Variants in EPHB1 observed in about 807,000 individuals in gnomAD.
EPHB1 encodes EPH receptor B1.
EPHB1 carries 30 observed loss-of-function variants against 94.4 expected under a neutral mutation model. That is an observed-to-expected ratio of 0.32 (90% CI 0.24 to 0.43). The LOEUF (loss-of-function observed/expected upper bound fraction) is 0.43, where lower values mean the gene tolerates loss of function less well. EPHB1 is among the 20% of genes least tolerant of loss of function. The pLI, the probability that EPHB1 is intolerant of heterozygous loss-of-function variation, is 1.00. For synonymous variants in EPHB1, 522 were observed against 489.1 expected (o/e 1.07, Z -0.89); for missense variants, 1,055 against 1,308.3 (o/e 0.81, Z 2.99).
chr3:134,983,570 G>A (rs544135287), intron 3 of EPHB1, among the ~76,000 whole-genome samples: 1 of 152,366 alleles, frequency 6.6e-6, no homozygotes, highest in South Asian at 2.1e-4. Flanking sequence ...GGAAATGGAA[G>A]TGAAGGAGAG....
Position 135,259,758 on chromosome 3 carries a change from T to TTTTTC in EPHB1, c.*643_*647dup, listed in dbSNP as rs1933564799. The TTTTTC allele has an allele frequency of 2.4e-5, 5 of 212,546 alleles. No homozygotes were observed. The South Asian group carries it at 9.3e-4, about 40-fold the overall frequency. The allele number at this position is 212,546 out of a possible 1,614,324, so 13.2% of individuals were successfully genotyped here. On this transcript the variant is annotated 3_prime_UTR_variant, in exon 16 of 16. Transcript: ENST00000398015. ...GATGTACCTTCAATTGAAAACCTCGTTTTTCTTTTGTTTGCATTTTCTGCA... is the reference window on the plus strand; with the variant it reads ...GATGTACCTTCAATTGAAAACCTCGTTTTTCTTTTCTTTTGTTTGCATTTTCTGCA...
intron 1 of EPHB1, among the ~76,000 whole-genome samples, chr3:134,856,322 G>A (rs982488242): frequency 6.6e-6 from 1 of 152,132 alleles, no homozygotes; most frequent in African/African-American, 2.4e-5. Flanking sequence ...AATGAACTAG[G>A]CAACCCAGCC....
intron 3 of EPHB1, among the ~76,000 whole-genome samples, chr3:135,091,865 G>C (rs1938570033): frequency 6.6e-6 from 1 of 152,172 alleles, no homozygotes; most frequent in Non-Finnish European, 1.5e-5. Flanking sequence ...TAGCCAGCCT[G>C]TGCGTCTGGG....
intron 4 of EPHB1, among the ~76,000 whole-genome samples, chr3:135,117,660 C>A (rs925898514): frequency 1.3e-5 from 2 of 152,216 alleles, no homozygotes; most frequent in Non-Finnish European, 1.5e-5. Flanking sequence ...ATCTGTCCCC[C>A]CTTCCCATTC....
intron 5 of EPHB1, among the ~76,000 whole-genome samples, chr3:135,143,535 T>G (rs1353765718): frequency 6.6e-6 from 1 of 152,102 alleles, no homozygotes; most frequent in East Asian, 1.9e-4. Flanking sequence ...CGGTGGGGTA[T>G]CTCCTGTGGC....
At chr3:135,022,973 G>T (rs567548710) in intron 3 of EPHB1, among the ~76,000 whole-genome samples, 1 of 152,180 alleles carries the variant, frequency 6.6e-6, no homozygotes, top group Non-Finnish European at 1.5e-5. Context: ...TGTTGGTCAA[G>T]TAGAAAATGT....
intron 3 of EPHB1, among the ~76,000 whole-genome samples, chr3:135,061,294 C>T (rs1344955307): frequency 6.6e-6 from 1 of 151,956 alleles, no homozygotes; most frequent in Non-Finnish European, 1.5e-5. Context: ...CCTTTACCCA[C>T]AAGTCCCCAA....
At chr3:135,052,933 ATATATGTGTG>A (rs1937219976) in intron 3 of EPHB1, among the ~76,000 whole-genome samples, 1 of 97,568 alleles carries the variant, frequency 1.0e-5, no homozygotes, top group African/African-American at 4.8e-5. Context: ...GTGTGTGTGT[ATATATGTGTG>A]TATATATATA....
intron 1 of EPHB1, among the ~76,000 whole-genome samples, chr3:134,921,633 G>A (rs2038688478): frequency 6.6e-6 from 1 of 152,196 alleles, no homozygotes; most frequent in African/African-American, 2.4e-5. Flanking sequence ...AATATCATTA[G>A]ATGTGTAACA....
At chr3:135,079,756 G>A (rs1174305520) in intron 3 of EPHB1, among the ~76,000 whole-genome samples, 1 of 151,888 alleles carries the variant, frequency 6.6e-6, no homozygotes, top group Non-Finnish European at 1.5e-5. Context: ...ATCATTCCTG[G>A]GTACCCTGTC....
At chr3:134,819,505 C>A (rs1210547937) in intron 1 of EPHB1, among the ~76,000 whole-genome samples, 2 of 152,180 alleles carry the variant, frequency 1.3e-5, no homozygotes, top group East Asian at 3.9e-4. Context: ...ATTATAGGGG[C>A]TTTGGAATGA....
At chr3:135,093,861 T>G (rs2107792757) in intron 3 of EPHB1, among the ~76,000 whole-genome samples, 1 of 152,358 alleles carries the variant, frequency 6.6e-6, no homozygotes, top group Non-Finnish European at 1.5e-5. Flanking sequence ...AGAACAATAT[T>G]TGTTCCCACT....
At chr3:134,924,973 ATATGTT>A in intron 1 of EPHB1, among the ~76,000 whole-genome samples, 1 of 152,344 alleles carries the variant, frequency 6.6e-6, no homozygotes, top group Non-Finnish European at 1.5e-5. Flanking sequence ...GGTATGATGA[ATATGTT>A]TATTATGTTA....
At chr3:134,826,754 C>A (rs1333778478) in intron 1 of EPHB1, among the ~76,000 whole-genome samples, 2 of 152,166 alleles carry the variant, frequency 1.3e-5, no homozygotes, top group East Asian at 1.9e-4. Flanking sequence ...ATAGTTAATT[C>A]TTGTCCCGTT....
At chr3:134,992,064 A>C (rs1934825280) in intron 3 of EPHB1, among the ~76,000 whole-genome samples, 1 of 151,968 alleles carries the variant, frequency 6.6e-6, no homozygotes, top group Non-Finnish European at 1.5e-5. Context: ...CATTTTAGAA[A>C]CTTTAAGCTT....
chr3:134,937,412 T>C (rs2039023996), intron 2 of EPHB1, among the ~76,000 whole-genome samples: 1 of 152,172 alleles, frequency 6.6e-6, no homozygotes, highest in Non-Finnish European at 1.5e-5. Flanking sequence ...ATTGTAAGAA[T>C]GGGAACGAAG....
chr3:135,211,795 A>G (rs138524377), intron 12 of EPHB1, among the ~76,000 whole-genome samples: 1 of 152,302 alleles, frequency 6.6e-6, no homozygotes, highest in East Asian at 1.9e-4. Context: ...TACCTTGGCT[A>G]TGATATGCCT....
intron 3 of EPHB1, among the ~76,000 whole-genome samples, chr3:135,082,433 C>T (rs1178598458): frequency 6.6e-6 from 1 of 152,188 alleles, no homozygotes; most frequent in Non-Finnish European, 1.5e-5. Flanking sequence ...CATGCATTAT[C>T]ACATTCCTAA....
At chr3:134,991,793 GTC>G (rs1225928454) in intron 3 of EPHB1, among the ~76,000 whole-genome samples, 3 of 152,078 alleles carry the variant, frequency 2.0e-5, no homozygotes, top group Non-Finnish European at 2.9e-5. Context: ...CATTCCCTAA[GTC>G]AGTCTCACCT....
Sources: allele counts gnomAD v4.1 joint callset (sites outside exome capture counted in the v4.1 genomes callset), GRCh38; gene constraint gnomAD v4.1.1; transcripts MANE v1.5; gene names NCBI Gene and HGNC (gene_info 2026-07-23, HGNC 2026-07-21).